HS6ST2: variants seen among roughly 807,000 people sequenced by gnomAD.
HS6ST2 encodes heparan-sulfate 6-O-sulfotransferase 2.
Under a neutral mutation model 33.0 loss-of-function variants are expected in HS6ST2, and 17 were observed. The observed-to-expected ratio is 0.52, with a 90% CI of 0.35 to 0.77. The LOEUF is 0.77. HS6ST2 is among the 30% of genes least tolerant of loss of function. The pLI is 0.01. For missense variants in HS6ST2, 519 were observed against 551.7 expected (o/e 0.94, Z 0.59); for synonymous variants, 248 against 237.1 (o/e 1.05, Z -0.42).
chrX:132,729,767 C>A (rs1202538518), intron 2 of HS6ST2, among the ~76,000 whole-genome samples: 2 of 111,192 alleles, frequency 1.8e-5, no homozygotes, highest in Non-Finnish European at 3.8e-5. Flanking sequence ...TTGAAAATTT[C>A]TCAGTTTTAA....
intron 2 of HS6ST2, chrX:132,907,365 AT>A (rs2066484986): frequency 7.2e-6 from 1 of 138,656 alleles, no homozygotes; most frequent in Non-Finnish European, 1.5e-5. Flanking sequence ...GAGCTGTGGC[AT>A]AACGGTGCCA....
intron 4 of HS6ST2, among the ~76,000 whole-genome samples, chrX:132,630,344 C>T (rs1333164220): frequency 1.8e-5 from 2 of 112,278 alleles, no homozygotes; most frequent in African/African-American, 3.2e-5. Context: ...TGAGGAGCCA[C>T]AGGGAACCTG....
intron 2 of HS6ST2, among the ~76,000 whole-genome samples, chrX:132,761,154 T>A (rs1420163584): frequency 8.9e-6 from 1 of 111,778 alleles, no homozygotes; most frequent in Non-Finnish European, 1.9e-5. Context: ...TAACTGACCC[T>A]GGAAACTTTC....
At chrX:132,846,292 G>C (rs2065749734) in intron 2 of HS6ST2, among the ~76,000 whole-genome samples, 1 of 112,254 alleles carries the variant, frequency 8.9e-6, no homozygotes, top group Non-Finnish European at 1.9e-5. Context: ...CATTTTAGTT[G>C]TCTGGTAATT....
intron 2 of HS6ST2, among the ~76,000 whole-genome samples, chrX:132,719,625 G>C (rs1043000915): frequency 8.9e-6 from 1 of 111,940 alleles, no homozygotes; most frequent in Admixed American, 9.4e-5. Context: ...TTTCACACTA[G>C]CAATGTTTTG....
chrX:132,835,852 G>T (rs1194629247), intron 2 of HS6ST2, among the ~76,000 whole-genome samples: 2 of 111,691 alleles, frequency 1.8e-5, no homozygotes, highest in African/African-American at 6.5e-5. Context: ...GGAGGTGGAG[G>T]TTGCAGTGAG....
intron 2 of HS6ST2, among the ~76,000 whole-genome samples, chrX:132,805,771 C>T (rs751051747): frequency 1.8e-5 from 2 of 110,141 alleles, no homozygotes; most frequent in Non-Finnish European, 3.8e-5. Context: ...GATGGCTGCA[C>T]GTTTTGTAAA....
chrX:132,809,742 A>T (rs1482606532), intron 2 of HS6ST2, among the ~76,000 whole-genome samples: 1 of 112,149 alleles, frequency 8.9e-6, no homozygotes, highest in Non-Finnish European at 1.9e-5. Context: ...TCGATGCTTC[A>T]TTCCATTACC....
At chrX:132,915,802 C>A (rs1189311623) in intron 2 of HS6ST2, among the ~76,000 whole-genome samples, 1 of 108,104 alleles carries the variant, frequency 9.3e-6, no homozygotes, top group African/African-American at 3.4e-5. Flanking sequence ...AATCTCAGCT[C>A]ACTGCAACCT....
At chrX:132,835,319 G>A (rs2065630290) in intron 2 of HS6ST2, among the ~76,000 whole-genome samples, 1 of 111,454 alleles carries the variant, frequency 9.0e-6, no homozygotes. Flanking sequence ...AAATACATAT[G>A]AGATGAAAAG....
chrX:132,825,255 A>G (rs762929619), intron 2 of HS6ST2, among the ~76,000 whole-genome samples: 4 of 111,621 alleles, frequency 3.6e-5, no homozygotes, highest in African/African-American at 9.8e-5. Flanking sequence ...GAGGAGAGAG[A>G]AAGGAGGAAA....
chrX:132,791,810 CA>C (rs60249665), intron 2 of HS6ST2, among the ~76,000 whole-genome samples: 12,230 of 84,632 alleles, frequency 0.14, 726 homozygotes, highest in East Asian at 0.31. Context: ...CCCATTTCTA[CA>C]AAAAAAAAAA....
intron 2 of HS6ST2, among the ~76,000 whole-genome samples, chrX:132,716,517 C>T (rs1338116330): frequency 8.9e-6 from 1 of 112,025 alleles, no homozygotes; most frequent in Non-Finnish European, 1.9e-5. Flanking sequence ...AAAAAATGTG[C>T]ATAGGTACAG....
rs1283641358 is a variant in HS6ST2 at position 132,957,158 on chromosome X, C to G, written c.597G>C (p.Glu199Asp). 4.2e-5 allele frequency: 51 copies of G among 1,210,250 alleles called. No homozygotes were observed. The highest frequency in any genetic ancestry group is 4.6e-4 in the Middle Eastern group (2 of 4,373). Residue 199 changes from glutamate to aspartate, a missense_variant, in exon 2 of 5, where the codon GAG becomes GAC. By Grantham distance (45) the Glu-to-Asp change is conservative. Transcript: ENST00000370833. Reference sequence around the variant, plus strand: ...AGCGGGGCACGAACCTGGCGGAGCTCTCATCCTCCGAGCGGTACGGGTCCG... The same window carrying G: ...AGCGGGGCACGAACCTGGCGGAGCTGTCATCCTCCGAGCGGTACGGGTCCG... ...PVPDPYRSED[E>D]SSARFVPRYN...
chrX:132,847,125 T>A (rs1364761687), intron 2 of HS6ST2, among the ~76,000 whole-genome samples: 9 of 111,321 alleles, frequency 8.1e-5, no homozygotes, highest in Non-Finnish European at 1.5e-4. Context: ...TCTAACCAGA[T>A]GAAATTAAAT....
chrX:132,782,843 G>A (rs950051804), intron 2 of HS6ST2, among the ~76,000 whole-genome samples: 2 of 111,584 alleles, frequency 1.8e-5, no homozygotes, highest in African/African-American at 6.5e-5. Context: ...TTAGGGTTGG[G>A]TTTGATGGTT....
chrX:132,760,387 G>A (rs769433828), intron 2 of HS6ST2, among the ~76,000 whole-genome samples: 1 of 111,062 alleles, frequency 9.0e-6, no homozygotes, highest in Non-Finnish European at 1.9e-5. Flanking sequence ...CACGACATCT[G>A]ATGTTTTTAT....
chrX:132,671,236 G>C (rs942576038), intron 3 of HS6ST2, among the ~76,000 whole-genome samples: 2 of 111,865 alleles, frequency 1.8e-5, no homozygotes, highest in East Asian at 2.8e-4. Context: ...AATATGCTCT[G>C]TGTCACTCTT....
chrX:132,880,446 G>A lies in HS6ST2; in HGVS notation c.947+76362C>T, dbSNP rs1252498380. On this transcript the variant is annotated intron_variant, in intron 2 of 4. Coordinates refer to ENST00000370833, the MANE Select transcript of HS6ST2 (RefSeq NM_001394073.1). ...AGCTACTTGGGAGGCTGAGGCAGGA[G>A]AATCACTTGAACCTGGGAGGCAGAA... 1.0e-4 allele frequency among the ~76,000 whole-genome samples: 11 copies of A among 106,707 alleles called. No homozygotes were observed. In the Admixed American group the frequency reaches 1.1e-3, roughly 11 times the overall value. The allele number at this position is 106,707 out of a possible 115,157, so 92.7% of individuals were successfully genotyped here. A position where few individuals can be genotyped will look rare whatever the true frequency, so the allele number is the denominator to read the frequency against.
Sources: gnomAD v4.1 joint callset for allele counts (sites outside exome capture counted in the v4.1 genomes callset) on GRCh38, gnomAD v4.1.1 for gene constraint, MANE v1.5 for transcripts, NCBI Gene and HGNC (gene_info 2026-07-23, HGNC 2026-07-21) for gene names.